Variants in LEF1 observed in about 807,000 individuals in gnomAD.
LEF1 encodes the protein lymphoid enhancer-binding factor 1.
A neutral mutation model predicts 51.2 loss-of-function variants in LEF1; 14 were observed. That is an observed-to-expected ratio of 0.27 (90% CI 0.18 to 0.43). The LOEUF (loss-of-function observed/expected upper bound fraction) is 0.43. Among genes scored for constraint, LEF1 ranks in the 20% least tolerant of loss-of-function variants. LEF1 has a pLI of 1.00. For synonymous variants in LEF1, 185 were observed against 183.2 expected (o/e 1.01, Z -0.08); for missense variants, 386 against 512.0 (o/e 0.75, Z 2.37).
chr4:108,137,613 T>TGG (rs1464878647), intron 3 of LEF1, among the ~76,000 whole-genome samples: 12 of 152,192 alleles, frequency 7.9e-5, no homozygotes, highest in Non-Finnish European at 1.2e-4. Flanking sequence ...TTGGTTACTT[T>TGG]GCTGTCCAGA....
chr4:108,156,651 A>G (rs1321706356), intron 3 of LEF1, among the ~76,000 whole-genome samples: 2 of 152,170 alleles, frequency 1.3e-5, no homozygotes, highest in East Asian at 3.8e-4. Context: ...ATAGTCCCCC[A>G]GTTACTTTAT....
chr4:108,151,233 C>T (rs1309104918), intron 3 of LEF1, among the ~76,000 whole-genome samples: 2 of 152,202 alleles, frequency 1.3e-5, no homozygotes, highest in African/African-American at 4.8e-5. Context: ...CCCTCCTCCA[C>T]ATCTAACTGG....
chr4:108,055,710 T>C (rs1308374969), intron 11 of LEF1, among the ~76,000 whole-genome samples: 1 of 152,142 alleles, frequency 6.6e-6, no homozygotes, highest in Non-Finnish European at 1.5e-5. Flanking sequence ...CCTCATATAC[T>C]CCTCTCCCTC....
rs11934747 is a variant in LEF1 at position 108,060,982 on chromosome 4, T to G, written c.*6+2641A>C. On this transcript the variant is annotated intron_variant, in intron 11 of 11. Coordinates refer to ENST00000265165, the MANE Select transcript of LEF1 (RefSeq NM_016269.5). ...GGGGGTACAACAGAAATAATTATCATGTCTAATTTATGGAAATCTTTATGA... is the reference window on the plus strand; with the variant it reads ...GGGGGTACAACAGAAATAATTATCAGGTCTAATTTATGGAAATCTTTATGA... 9.9e-3 allele frequency among the ~76,000 whole-genome samples: 1,514 copies of G among 152,312 alleles called. 25 individuals carry two copies. Among genetic ancestry groups the G allele is most frequent in the African/African-American group, 0.035 (1,439 of 41,560 alleles).
intron 6 of LEF1, among the ~76,000 whole-genome samples, chr4:108,081,245 C>T (rs1388910188): frequency 6.6e-6 from 1 of 152,170 alleles, no homozygotes; most frequent in Admixed American, 6.5e-5. Context: ...TACCCCACCC[C>T]CGGCATATTT....
chr4:108,079,261 T>C (rs1739122265), intron 7 of LEF1, among the ~76,000 whole-genome samples: 1 of 152,172 alleles, frequency 6.6e-6, no homozygotes, highest in East Asian at 1.9e-4. Context: ...TCCATTTTGG[T>C]GAGGTTCCCA....
chr4:108,141,312 T>C (rs547223872), intron 3 of LEF1, among the ~76,000 whole-genome samples: 1 of 152,290 alleles, frequency 6.6e-6, no homozygotes, highest in South Asian at 2.1e-4. Flanking sequence ...TATGCAAACA[T>C]TATCTCCCAA....
At position 108,048,592 on chromosome 4, in the gene LEF1, C is replaced by A; in HGVS notation, c.*166G>T. ...TGATTGTCTTTATGGATCAGCGTCT[C>A]TAGCAGTGACCTCAGGGTAAAATTG... On this transcript the variant is annotated 3_prime_UTR_variant, in exon 12 of 12. Transcript: ENST00000265165. The A allele has an allele frequency of 1.2e-6, 1 of 835,676 alleles. No individual in the cohort carries two copies. The highest frequency in any genetic ancestry group is 2.7e-5 in the East Asian group (1 of 37,356). 51.8% of individuals were successfully genotyped at this position (835,676 alleles called of 1,614,324 possible).
chr4:108,062,662 G>A (rs946255398), intron 11 of LEF1, among the ~76,000 whole-genome samples: 3 of 152,164 alleles, frequency 2.0e-5, no homozygotes, highest in Non-Finnish European at 4.4e-5. Flanking sequence ...CGTGAAGGAT[G>A]AACTGGTAGA....
At position 108,064,344 on chromosome 4, in the gene LEF1, G is replaced by C. The variant is rs1737908757; in HGVS notation, c.1157C>G (p.Ser386Cys). Reference sequence around the variant, plus strand: ...AGTCTCATGGTGCCTACCTGATGCAGATTCCTGTAGTTTCTCTCTCTTCCT... The same window carrying C: ...AGTCTCATGGTGCCTACCTGATGCACATTCCTGTAGTTTCTCTCTCTTCCT... ...KKRKREKLQE[S>C]ASGTGPRMTA... Residue 386 changes from serine (S) to cysteine (C), a missense_variant, in exon 10 of 12, where the codon TCT becomes TGT. Physicochemically the swap from Ser to Cys is moderately radical, Grantham distance 112. Around this residue, in one of 2 missense-constraint regions of LEF1, gnomAD observed 51 missense variants for 121.3 expected, o/e 0.42. Transcript: ENST00000265165. 1 of 1,611,782 alleles carries C rather than the reference G, an allele frequency of 6.2e-7. No individual in the cohort carries two copies. Among genetic ancestry groups the C allele is most frequent in the Non-Finnish European group, 8.5e-7 (1 of 1,177,936 alleles).
At chr4:108,091,591 T>G (rs981443243) in intron 3 of LEF1, among the ~76,000 whole-genome samples, 1 of 152,116 alleles carries the variant, frequency 6.6e-6, no homozygotes, top group African/African-American at 2.4e-5. Context: ...TGGCGTATAT[T>G]AAATAGAGTG....
At chr4:108,165,915 G>GCT (rs1745358976) in intron 1 of LEF1, among the ~76,000 whole-genome samples, 1 of 152,178 alleles carries the variant, frequency 6.6e-6, no homozygotes, top group African/African-American at 2.4e-5. Flanking sequence ...ACACCCGAGT[G>GCT]CTCTCGGATT....
At chr4:108,051,730 A>T (rs1001289714) in intron 11 of LEF1, among the ~76,000 whole-genome samples, 20 of 151,076 alleles carry the variant, frequency 1.3e-4, no homozygotes, top group African/African-American at 4.6e-4. Flanking sequence ...ACCCCACCCC[A>T]TATAACCGAA....
intron 9 of LEF1, among the ~76,000 whole-genome samples, chr4:108,070,049 C>T (rs1351659121): frequency 1.3e-5 from 2 of 150,056 alleles, no homozygotes; most frequent in Non-Finnish European, 3.0e-5. Context: ...GCCCTAAATA[C>T]AGAAAAAAAC....
intron 3 of LEF1, among the ~76,000 whole-genome samples, chr4:108,122,773 A>G (rs1742259426): frequency 6.6e-6 from 1 of 152,248 alleles, no homozygotes; most frequent in East Asian, 1.9e-4. Flanking sequence ...GGTGTGAGCC[A>G]CCATGCCCAG....
chr4:108,167,396 T>A lies in LEF1; in HGVS notation c.213+159A>T, dbSNP rs1745482118. ...CACACACACACACACACACACACAC[T>A]GCGGACCGGGGGCCCAGCTACGCAC... On this transcript the variant is annotated intron_variant, in intron 1 of 11. Transcript: ENST00000265165. The surrounding 1 kb of genome is among the most constrained non-coding windows in gnomAD (Gnocchi z 5.7). 27 of 486,296 alleles carry A rather than the reference T, an allele frequency of 5.6e-5. No homozygotes were observed. The highest frequency in any genetic ancestry group is 1.6e-4 in the South Asian group (8 of 50,800). The allele number at this position is 486,296 out of a possible 1,614,324, so 30.1% of individuals were successfully genotyped here.
intron 9 of LEF1, among the ~76,000 whole-genome samples, chr4:108,064,651 T>TCA (rs1185650328): frequency 1.5e-5 from 2 of 132,410 alleles, no homozygotes; most frequent in Admixed American, 7.8e-5. Context: ...TCTCTCTCTC[T>TCA]CACTCACACA....
At position 108,163,569 on chromosome 4, in the gene LEF1, G is replaced by C. The variant is rs201776417; in HGVS notation, c.413C>G (p.Thr138Arg). 2.3e-5 allele frequency: 37 copies of C among 1,612,408 alleles called. No individual in the cohort carries two copies. The highest frequency in any genetic ancestry group is 3.0e-5 in the Non-Finnish European group (35 of 1,179,324). ...TTGCAACATCAGCATGTTACTTACT[G>C]TTCTCGGGATGGGTGGAGAAAGAGA... is the stretch of plus-strand genomic sequence containing the variant. ...NGSLSPPIPR[T>R]SNKVPVVQPS... The change falls in exon 3 of 12, where the codon ACA becomes AGA. Residue 138 changes from threonine to arginine, a missense_variant and splice_region_variant. By Grantham distance (71) the Thr-to-Arg change is moderately conservative. Around this residue, in one of 2 missense-constraint regions of LEF1, gnomAD observed 335 missense variants for 390.7 expected, o/e 0.86. Coordinates refer to ENST00000265165, the MANE Select transcript of LEF1 (RefSeq NM_016269.5).
At chr4:108,072,387 C>G (rs1227296117) in intron 8 of LEF1, 1 of 152,374 alleles carries the variant, frequency 6.6e-6, no homozygotes, top group Non-Finnish European at 1.5e-5. Flanking sequence ...CAGCACCTTC[C>G]GGCCACACCC....
Sources: allele counts gnomAD v4.1 joint callset (sites outside exome capture counted in the v4.1 genomes callset), GRCh38; gene constraint gnomAD v4.1.1; regional missense constraint gnomAD v4.1.1; non-coding constraint Gnocchi (gnomAD v3.1); transcripts MANE v1.5; gene names NCBI Gene and HGNC (gene_info 2026-07-23, HGNC 2026-07-21).